The following ADRA1A variants were observed in gnomAD, a reference collection of about 807,000 sequenced individuals.
The protein encoded by ADRA1A is alpha-1A adrenergic receptor.
ADRA1A carries 31 observed loss-of-function variants against 29.6 expected under a neutral mutation model. The ratio of observed to expected loss-of-function variants is 1.05; its 90% CI spans 0.79 to 1.41. The LOEUF is 1.41. Ranked by LOEUF, ADRA1A falls within the 40% of genes most tolerant of loss-of-function variation. The pLI is 0.00. For missense variants in ADRA1A, 619 were observed against 601.1 expected (o/e 1.03, Z -0.31); for synonymous variants, 311 against 254.3 (o/e 1.22, Z -2.12).
intron 2 of ADRA1A, chr8:26,772,101 C>G (rs867958894): frequency 6.5e-6 from 1 of 154,034 alleles, no homozygotes; most frequent in South Asian, 1.9e-4. Flanking sequence ...AATCTGGAGT[C>G]TGATGATAAT....
intron 2 of ADRA1A, among the ~76,000 whole-genome samples, chr8:26,856,855 C>T (rs973405686): frequency 5.3e-5 from 8 of 152,174 alleles, no homozygotes; most frequent in African/African-American, 1.2e-4. Context: ...GCAAAGATCC[C>T]AGTTGGTTTT....
chr8:26,850,119 G>A (rs1585833504), intron 2 of ADRA1A, among the ~76,000 whole-genome samples: 1 of 151,590 alleles, frequency 6.6e-6, no homozygotes, highest in South Asian at 2.1e-4. Context: ...CATCATTAAA[G>A]GAGGCTGCCT....
At chr8:26,829,622 T>C (rs577907560) in intron 2 of ADRA1A, among the ~76,000 whole-genome samples, 5 of 152,270 alleles carry the variant, frequency 3.3e-5, no homozygotes, top group Non-Finnish European at 7.4e-5. Context: ...TATGATAACA[T>C]GCTTAATCAC....
At chr8:26,764,575 T>TCGGAGG (rs1233539834), downstream of ADRA1A, among the ~76,000 whole-genome samples, 1 of 149,022 alleles carries the variant, frequency 6.7e-6, no homozygotes, top group Non-Finnish European at 1.5e-5. Flanking sequence ...GAAAAAGGAG[T>TCGGAGG]CGGAGGCTGG....
intron 2 of ADRA1A, among the ~76,000 whole-genome samples, chr8:26,795,834 G>A (rs979116308): frequency 6.6e-6 from 1 of 152,014 alleles, no homozygotes; most frequent in African/African-American, 2.4e-5. Flanking sequence ...ACGGAAAATT[G>A]TTTATTCAAA....
At chr8:26,799,700 C>T in intron 2 of ADRA1A, among the ~76,000 whole-genome samples, 1 of 152,090 alleles carries the variant, frequency 6.6e-6, no homozygotes, top group Non-Finnish European at 1.5e-5. Context: ...TTCAATGTGT[C>T]ATGTATGACA....
Position 26,821,260 on chromosome 8 carries a change from A to G in ADRA1A, c.883+42827T>C, listed in dbSNP as rs148757053. Among the ~76,000 whole-genome samples, 47 of 152,286 alleles carry G rather than the reference A, an allele frequency of 3.1e-4. No individual in the cohort carries two copies. In the South Asian group the frequency reaches 6.0e-3, roughly 19 times the overall value. ...GATGAGTTATAAAGAAAGAGGTTTA[A>G]TTGGCTCATGTTGCTGCAGGCTGTA... On this transcript the variant is annotated intron_variant, in intron 2 of 2. Transcript: ENST00000380573. The surrounding 1 kb of genome is among the most constrained non-coding windows in gnomAD (Gnocchi z 5.6).
intron 2 of ADRA1A, among the ~76,000 whole-genome samples, chr8:26,850,191 C>T (rs1292318183): frequency 6.6e-6 from 1 of 151,906 alleles, no homozygotes; most frequent in African/African-American, 2.4e-5. Context: ...TTACCCCAAA[C>T]AGAAGTCCCC....
chr8:26,812,567 A>G (rs187294037), intron 2 of ADRA1A, among the ~76,000 whole-genome samples: 5 of 152,158 alleles, frequency 3.3e-5, no homozygotes, highest in African/African-American at 1.2e-4. Flanking sequence ...AAAATCATAA[A>G]TGAGCATCTT....
intron 2 of ADRA1A, among the ~76,000 whole-genome samples, chr8:26,786,676 C>A (rs977252742): frequency 6.6e-6 from 1 of 151,970 alleles, no homozygotes; most frequent in African/African-American, 2.4e-5. Flanking sequence ...GCTTAAATCA[C>A]CCTTCCTCAG....
At chr8:26,784,026 G>C (rs979003350) in intron 2 of ADRA1A, among the ~76,000 whole-genome samples, 5 of 151,902 alleles carry the variant, frequency 3.3e-5, no homozygotes, top group Non-Finnish European at 7.4e-5. Flanking sequence ...GCCTGTTTGG[G>C]GGGTGTGGTG....
At chr8:26,857,601 C>A (rs1323956042) in intron 2 of ADRA1A, among the ~76,000 whole-genome samples, 2 of 151,956 alleles carry the variant, frequency 1.3e-5, no homozygotes, top group African/African-American at 4.8e-5. Flanking sequence ...AGTTCGAGGC[C>A]GCAGTGAGCT....
rs975414571 is a variant in ADRA1A at position 26,815,522 on chromosome 8, G to T, written c.884-44856C>A. The stretch of plus-strand genomic sequence containing the variant: ...AAACCACATCAGGACAGAAGATGAG[G>T]CCTTGGGCTTACATAAAATTGGAAG... On this transcript the variant is annotated intron_variant, in intron 2 of 2. Coordinates refer to ENST00000380573, the MANE Select transcript of ADRA1A (RefSeq NM_000680.4). This position sits in a 1 kb window ranked among gnomAD's most constrained non-coding sequence, Gnocchi z 4.2. 6.6e-6 allele frequency among the ~76,000 whole-genome samples: 1 copy of T among 152,082 alleles called. No individual in the cohort carries two copies. Among genetic ancestry groups the T allele is most frequent in the African/African-American group, 2.4e-5 (1 of 41,380 alleles).
chr8:26,846,017 G>T (rs573873), intron 2 of ADRA1A, among the ~76,000 whole-genome samples: 40,194 of 152,082 alleles, frequency 0.26, 5,779 homozygotes, highest in Non-Finnish European at 0.32. Context: ...ATAACATTGC[G>T]AATGTATTAA....
intron 2 of ADRA1A, among the ~76,000 whole-genome samples, chr8:26,794,801 C>T (rs1808081067): frequency 6.6e-6 from 1 of 151,856 alleles, no homozygotes; most frequent in South Asian, 2.1e-4. Context: ...GTTTCTTCTG[C>T]CCTTTGATTA....
intron 2 of ADRA1A, among the ~76,000 whole-genome samples, chr8:26,809,822 G>A (rs1319045025): frequency 6.6e-6 from 1 of 152,148 alleles, no homozygotes; most frequent in African/African-American, 2.4e-5. Context: ...CTACTCACAC[G>A]AAGATAAAAG....
At chr8:26,790,544 A>G (rs1046771597) in intron 2 of ADRA1A, among the ~76,000 whole-genome samples, 1 of 152,184 alleles carries the variant, frequency 6.6e-6, no homozygotes, top group African/African-American at 2.4e-5. Flanking sequence ...GTTCTATAGC[A>G]CTATAAGATG....
chr8:26,821,426 T>C lies in ADRA1A; in HGVS notation c.883+42661A>G, dbSNP rs1038416805. Among the ~76,000 whole-genome samples, 6 of 152,002 alleles carry C rather than the reference T, an allele frequency of 3.9e-5. No homozygotes were observed. The highest frequency in any genetic ancestry group is 1.2e-4 in the African/African-American group (5 of 41,384). On this transcript the variant is annotated intron_variant, in intron 2 of 2. Coordinates refer to ENST00000380573, the MANE Select transcript of ADRA1A (RefSeq NM_000680.4). The surrounding 1 kb of genome is among the most constrained non-coding windows in gnomAD (Gnocchi z 5.6). ...AAGGGAGTGGGGAGGCCTCAGACTT[T>C]TAAACAAGCAGACCTCGAGTGAACT... is the stretch of plus-strand genomic sequence containing the variant.
chr8:26,821,487 C>T lies in ADRA1A; in HGVS notation c.883+42600G>A, dbSNP rs1021920680. 6.6e-6 allele frequency among the ~76,000 whole-genome samples: 1 copy of T among 152,090 alleles called. No homozygotes were observed. Among genetic ancestry groups the T allele is most frequent in the African/African-American group, 2.4e-5 (1 of 41,408 alleles). ...TTTTCACCACGGAGATGGTGTTAAG[C>T]CATTCATGAGGAAGCCAACTCCCTG... On this transcript the variant is annotated intron_variant, in intron 2 of 2. Transcript: ENST00000380573. This position sits in a 1 kb window ranked among gnomAD's most constrained non-coding sequence, Gnocchi z 5.6.
Sources: allele counts gnomAD v4.1 joint callset (sites outside exome capture counted in the v4.1 genomes callset), GRCh38; gene constraint gnomAD v4.1.1; non-coding constraint Gnocchi (gnomAD v3.1); transcripts MANE v1.5; gene names NCBI Gene and HGNC (gene_info 2026-07-23, HGNC 2026-07-21).